REEP5: variants seen among roughly 807,000 people sequenced by gnomAD.
REEP5 encodes the protein receptor accessory protein 5.
REEP5 carries 24 observed loss-of-function variants against 22.4 expected under a neutral mutation model. The ratio of observed to expected loss-of-function variants is 1.07; its 90% CI spans 0.78 to 1.51. REEP5 has a LOEUF of 1.51. Ranked by LOEUF, REEP5 falls within the 40% of genes most tolerant of loss-of-function variation. The pLI, the probability that REEP5 is intolerant of heterozygous loss-of-function variation, is 0.00. For synonymous variants in REEP5, 103 were observed against 88.6 expected (o/e 1.16, Z -0.92); for missense variants, 252 against 233.0 (o/e 1.08, Z -0.53).
At chr5:112,908,466 A>T (rs1232298453) in intron 2 of REEP5, among the ~76,000 whole-genome samples, 2 of 152,128 alleles carry the variant, frequency 1.3e-5, no homozygotes, top group African/African-American at 4.8e-5. Context: ...AGGCTTTGTT[A>T]AAAATAAACA....
At chr5:112,911,523 A>G (rs536968130) in intron 2 of REEP5, among the ~76,000 whole-genome samples, 1 of 152,342 alleles carries the variant, frequency 6.6e-6, no homozygotes, top group African/African-American at 2.4e-5. Context: ...TTTTCAAATT[A>G]TTTCAGACAC....
chr5:112,882,851 A>G (rs1393325468), intron 4 of REEP5, among the ~76,000 whole-genome samples: 1 of 152,188 alleles, frequency 6.6e-6, no homozygotes, highest in African/African-American at 2.4e-5. Flanking sequence ...TCCTCTCTCA[A>G]TTGGCCTTCC....
At chr5:112,880,661 T>G (rs1768044186) in intron 4 of REEP5, among the ~76,000 whole-genome samples, 1 of 152,238 alleles carries the variant, frequency 6.6e-6, no homozygotes. Context: ...TTATTTTAAT[T>G]CTCTTGCCCC....
rs1026091487 is a variant in REEP5, at chr5:112,876,749, A to G, written c.*2037T>C. On this transcript the variant is annotated 3_prime_UTR_variant, in exon 5 of 5. Transcript: ENST00000379638. ...GGAAATCATGCAACAGAACTGCTCA[A>G]TTCTTAACTTCTCCTGCTGTTAACA... is the stretch of plus-strand genomic sequence containing the variant. The G allele has an allele frequency of 1.3e-5, 2 of 152,214 alleles. No individual in the cohort carries two copies. The highest frequency in any genetic ancestry group is 2.9e-5 in the Non-Finnish European group (2 of 68,028). 9.4% of individuals were successfully genotyped at this position (152,214 alleles called of 1,614,324 possible). A position where few individuals can be genotyped will look rare whatever the true frequency, so the allele number is the denominator to read the frequency against.
At chr5:112,899,443 C>G (rs981125637) in intron 3 of REEP5, among the ~76,000 whole-genome samples, 1 of 152,090 alleles carries the variant, frequency 6.6e-6, no homozygotes. Context: ...GCACAACTGT[C>G]CTGTATAACT....
chr5:112,921,519 GGCGCCCGGGACGGTCC>G (rs1160315544), intron 1 of REEP5: 10 of 532,156 alleles, frequency 1.9e-5, no homozygotes, highest in Non-Finnish European at 2.7e-5. Context: ...AGCAACCCCC[GGCGCCCGGGACGGTCC>G]CAGGCACCCG....
intron 3 of REEP5, among the ~76,000 whole-genome samples, chr5:112,900,375 T>C (rs940028447): frequency 1.3e-5 from 2 of 152,224 alleles, no homozygotes; most frequent in African/African-American, 2.4e-5. Context: ...TTTGAAACTT[T>C]TGTATTTTGT....
chr5:112,906,766 G>A lies in REEP5; in HGVS notation c.213-4248C>T, dbSNP rs530497031. Among the ~76,000 whole-genome samples the A allele has an allele frequency of 2.6e-5, 4 of 152,320 alleles. No individual in the cohort carries two copies. In the South Asian group the frequency reaches 8.3e-4, roughly 32 times the overall value. On this transcript the variant is annotated intron_variant, in intron 2 of 4. Transcript: ENST00000379638. The stretch of plus-strand genomic sequence containing the variant: ...GTGATTCAGCTGCTCTTACAAGGCT[G>A]TGCAGGTGATCATAATGCAGAACTG...
chr5:112,880,138 T>C (rs1234489501), intron 4 of REEP5, among the ~76,000 whole-genome samples: 2 of 152,142 alleles, frequency 1.3e-5, no homozygotes, highest in African/African-American at 2.4e-5. Flanking sequence ...TGTCCAGGTG[T>C]GGTGGCTCAT....
intron 3 of REEP5, chr5:112,896,442 G>C (rs1768682487): frequency 6.6e-6 from 1 of 152,250 alleles, no homozygotes; most frequent in Non-Finnish European, 1.5e-5. Flanking sequence ...AGAATTGCTT[G>C]AATGCGGGAA....
At chr5:112,921,337 T>TG in intron 1 of REEP5, 81 bp from the exon 2 acceptor site, 1 of 1,344,714 alleles carries the variant, frequency 7.4e-7, no homozygotes. Flanking sequence ...ACCGCGAGGC[T>TG]GGGCCTGTTG....
At chr5:112,906,490 G>C (rs970057805) in intron 2 of REEP5, among the ~76,000 whole-genome samples, 28 of 152,286 alleles carry the variant, frequency 1.8e-4, no homozygotes, top group Admixed American at 1.6e-3. Flanking sequence ...GGGGACCCCA[G>C]AGAAAGGTTA....
intron 2 of REEP5, among the ~76,000 whole-genome samples, chr5:112,907,972 A>G (rs1768992521): frequency 6.6e-6 from 1 of 152,200 alleles, no homozygotes; most frequent in Admixed American, 6.5e-5. Flanking sequence ...TATAAAGTTA[A>G]TCCTGAATAA....
intron 2 of REEP5, among the ~76,000 whole-genome samples, chr5:112,907,543 G>C (rs1186284677): frequency 6.6e-6 from 1 of 152,194 alleles, no homozygotes; most frequent in Non-Finnish European, 1.5e-5. Context: ...ACAAGGCAGA[G>C]GATAGTTGGC....
At chr5:112,906,069 C>A (rs1768951219) in intron 2 of REEP5, among the ~76,000 whole-genome samples, 1 of 152,204 alleles carries the variant, frequency 6.6e-6, no homozygotes, top group African/African-American at 2.4e-5. Flanking sequence ...TTAGGCAACA[C>A]AGAGGATTCA....
intron 3 of REEP5, among the ~76,000 whole-genome samples, chr5:112,887,507 A>T (rs1344024682): frequency 6.6e-6 from 1 of 152,158 alleles, no homozygotes; most frequent in African/African-American, 2.4e-5. Flanking sequence ...CTTAGAAATC[A>T]ATTTAAGAAA....
rs755142860 is a variant in REEP5 at position 112,887,110 on chromosome 5, C to G, written c.425G>C (p.Arg142Pro). The change falls in exon 4 of 5, where the codon CGT becomes CCT. Residue 142 changes from arginine (R) to proline (P), a missense_variant. Coordinates refer to ENST00000379638, the MANE Select transcript of REEP5 (RefSeq NM_005669.5). ...GGACTCGTGCTTCAGGAAGAAAGGA[C>G]GGATGATGCGCTTGTAGAGCAGTTC... ...GAELLYKRII[R>P]PFFLKHESQM... 5.6e-6 allele frequency: 9 copies of G among 1,613,400 alleles called. 1 individual carries two copies. The highest frequency in any genetic ancestry group is 7.6e-6 in the Non-Finnish European group (9 of 1,179,880).
At chr5:112,917,652 C>T (rs781071120) in intron 2 of REEP5, among the ~76,000 whole-genome samples, 3 of 152,134 alleles carry the variant, frequency 2.0e-5, no homozygotes, top group African/African-American at 4.8e-5. Flanking sequence ...AGGGACTGCA[C>T]CAGGAGGACT....
chr5:112,887,153 T>G lies in REEP5; in HGVS notation c.382A>C (p.Ser128Arg), dbSNP rs1421115771. The G allele has an allele frequency of 1.2e-6, 2 of 1,608,742 alleles. No individual in the cohort carries two copies. Among genetic ancestry groups the G allele is most frequent in the Admixed American group, 3.3e-5 (2 of 59,918 alleles). ...AGCAGTTCAGCCCCATTAGAAGGGC[T>G]CGGGGCCATGCACCACAACAGGAAG... The part of the protein sequence containing the change: ...CGFLLWCMAP[S>R]PSNGAELLYK... The change falls in exon 4 of 5, where the codon AGC becomes CGC. Residue 128 changes from serine (S) to arginine (R), a missense_variant. Transcript: ENST00000379638.
Sources: gnomAD v4.1 joint callset for allele counts (sites outside exome capture counted in the v4.1 genomes callset) on GRCh38, gnomAD v4.1.1 for gene constraint, MANE v1.5 for transcripts, NCBI Gene and HGNC (gene_info 2026-07-23, HGNC 2026-07-21) for gene names.